Variants in CD59 observed in about 807,000 individuals in gnomAD.
CD59 encodes the protein CD59 glycoprotein.
Under a neutral mutation model 7.0 loss-of-function variants are expected in CD59, and 3 were observed. The ratio of observed to expected loss-of-function variants is 0.43; its 90% CI spans 0.19 to 1.10. CD59 has a LOEUF of 1.10. CD59 is among the 50% of genes least tolerant of loss of function. The probability of loss-of-function intolerance (pLI) is 0.29; values close to 1 mark genes in which losing one functional copy is unlikely to be tolerated. For synonymous variants in CD59, 60 were observed against 62.0 expected (o/e 0.97, Z 0.15); for missense variants, 143 against 151.0 (o/e 0.95, Z 0.28).
rs1255698465 is a variant in CD59, at chr11:33,703,074, T to A, written c.*7052A>T. On this transcript the variant is annotated 3_prime_UTR_variant, in exon 4 of 4. Coordinates refer to ENST00000642928, the MANE Select transcript of CD59 (RefSeq NM_000611.6). ...AAGCAATACAATCATTTTTTATGTA[T>A]ATATCTAGTTGAGGAGAAAAAATTA... 1 of 152,250 alleles carries A rather than the reference T, an allele frequency of 6.6e-6. No homozygotes were observed. Among genetic ancestry groups the A allele is most frequent in the African/African-American group, 2.4e-5 (1 of 41,448 alleles). 9.4% of individuals were successfully genotyped at this position (152,250 alleles called of 1,614,324 possible). A position where few individuals can be genotyped will look rare whatever the true frequency, so the allele number is the denominator to read the frequency against.
In CD59 at chr11:33,710,356, A is replaced by G. The variant is rs766000142; in HGVS notation, c.170-13T>C. 1.1e-5 allele frequency: 18 copies of G among 1,599,054 alleles called. No homozygotes were observed. Among genetic ancestry groups the G allele is most frequent in the Middle Eastern group, 1.7e-4 (1 of 6,036 alleles). Reference sequence around the variant, plus strand: ...TACACTTGTAACCCTGTGGGGAGACACACACAAGGGTAAGAAAGTAAGTGG... The same window carrying G: ...TACACTTGTAACCCTGTGGGGAGACGCACACAAGGGTAAGAAAGTAAGTGG... On this transcript the variant is annotated splice_polypyrimidine_tract_variant and intron_variant, in intron 3 of 3. Coordinates refer to ENST00000642928, the MANE Select transcript of CD59 (RefSeq NM_000611.6).
rs1421405417 is a variant in CD59 at position 33,704,318 on chromosome 11, G to A, written c.*5808C>T. ...CATAGGATTGATTTGATGGACATATGTATAAGCAGTGCCAGGGACAACTAG... is the reference window on the plus strand; with the variant it reads ...CATAGGATTGATTTGATGGACATATATATAAGCAGTGCCAGGGACAACTAG... On this transcript the variant is annotated 3_prime_UTR_variant, in exon 4 of 4. Transcript: ENST00000642928. The A allele has an allele frequency of 6.6e-6, 1 of 152,204 alleles. No individual in the cohort carries two copies. The highest frequency in any genetic ancestry group is 6.5e-5 in the Admixed American group (1 of 15,288). 9.4% of individuals were successfully genotyped at this position (152,204 alleles called of 1,614,324 possible).
rs1564966115 is a variant in CD59 at position 33,706,742 on chromosome 11, G to A, written c.*3384C>T. The A allele has an allele frequency of 6.6e-6, 1 of 152,160 alleles. No homozygotes were observed. The highest frequency in any genetic ancestry group is 2.4e-5 in the African/African-American group (1 of 41,442). The allele number at this position is 152,160 out of a possible 1,614,324, so 9.4% of individuals were successfully genotyped here. A position where few individuals can be genotyped will look rare whatever the true frequency, so the allele number is the denominator to read the frequency against. ...TTTTGATATGATTTTCTGTTTACAG[G>A]AAGGCCTAACTACGTCCTGTTCACC... On this transcript the variant is annotated 3_prime_UTR_variant, in exon 4 of 4. Transcript: ENST00000642928.
At chr11:33,727,383 A>C (rs1196828964) in intron 1 of CD59, among the ~76,000 whole-genome samples, 1 of 152,220 alleles carries the variant, frequency 6.6e-6, no homozygotes, top group Non-Finnish European at 1.5e-5. Flanking sequence ...CAAATCAATA[A>C]ACATAATCCA....
intron 3 of CD59, among the ~76,000 whole-genome samples, chr11:33,712,239 G>C (rs1003989752): frequency 1.3e-5 from 2 of 152,010 alleles, no homozygotes; most frequent in South Asian, 4.2e-4. Flanking sequence ...AATAGCCTTG[G>C]GCACACAGGA....
rs377286139 is a variant in CD59 at position 33,722,423 on chromosome 11, A to G, written c.23T>C (p.Val8Ala). The G allele has an allele frequency of 1.2e-6, 2 of 1,614,100 alleles. No homozygotes were observed. Among genetic ancestry groups the G allele is most frequent in the African/African-American group, 1.3e-5 (1 of 75,064 alleles). Residue 8 changes from valine (V) to alanine (A), a missense_variant, in exon 2 of 4, where the codon GTC (valine) becomes GCC (alanine). Val to Ala is a moderately conservative substitution (Grantham distance 64). Coordinates refer to ENST00000642928, the MANE Select transcript of CD59 (RefSeq NM_000611.6). ...CAGGACGAGCAGCAGCCCGAACAGGACAGACCCTCCTTGGATTCCCATTGT... is the reference window on the plus strand; with the variant it reads ...CAGGACGAGCAGCAGCCCGAACAGGGCAGACCCTCCTTGGATTCCCATTGT... MGIQGGS[V>A]LFGLLLVLAV... is the part of the protein sequence containing the mutation.
rs2133509624 is a variant in CD59 at position 33,705,958 on chromosome 11, C to T, written c.*4168G>A. 1 of 152,180 alleles carries T rather than the reference C, an allele frequency of 6.6e-6. No individual in the cohort carries two copies. The highest frequency in any genetic ancestry group is 2.1e-4 in the South Asian group (1 of 4,808). The allele number at this position is 152,180 out of a possible 1,614,324, so 9.4% of individuals were successfully genotyped here. On this transcript the variant is annotated 3_prime_UTR_variant, in exon 4 of 4. Transcript: ENST00000642928. ...CAGCACTGATCATATATAGGATCAG[C>T]CTACTGGGGTTGGCCACGTTGTATG...
rs2133501137 is a variant in CD59 at position 33,703,126 on chromosome 11, T to C, written c.*7000A>G. 1 of 152,350 alleles carries C rather than the reference T, an allele frequency of 6.6e-6. No individual in the cohort carries two copies. Among genetic ancestry groups the C allele is most frequent in the Non-Finnish European group, 1.5e-5 (1 of 68,034 alleles). The allele number at this position is 152,350 out of a possible 1,614,324, so 9.4% of individuals were successfully genotyped here. A position where few individuals can be genotyped will look rare whatever the true frequency, so the allele number is the denominator to read the frequency against. On this transcript the variant is annotated 3_prime_UTR_variant, in exon 4 of 4. Transcript: ENST00000642928. The stretch of plus-strand genomic sequence containing the variant: ...AGATTTTTTCCCCCTTACTCCAAGA[T>C]AATCTAAACAGATTTTACTCTGGAT...
intron 1 of CD59, among the ~76,000 whole-genome samples, chr11:33,735,913 C>CA (rs571280343): frequency 0.14 from 19,116 of 139,634 alleles, 2,368 homozygotes; most frequent in African/African-American, 0.34. Context: ...AACTCCATCT[C>CA]AAAAAAAAAA....
At chr11:33,727,919 A>G (rs1381160622) in intron 1 of CD59, among the ~76,000 whole-genome samples, 2 of 152,190 alleles carry the variant, frequency 1.3e-5, no homozygotes, top group African/African-American at 4.8e-5. Context: ...TCCCATTCAC[A>G]ATTGCTATAA....
intron 3 of CD59, among the ~76,000 whole-genome samples, chr11:33,712,570 G>T (rs1290090799): frequency 6.6e-6 from 1 of 152,206 alleles, no homozygotes; most frequent in African/African-American, 2.4e-5. Flanking sequence ...CATATGAAGT[G>T]CCCAGGAGAG....
intron 2 of CD59, among the ~76,000 whole-genome samples, chr11:33,719,835 CG>C (rs1236044392): frequency 2.0e-5 from 3 of 152,172 alleles, no homozygotes; most frequent in African/African-American, 7.2e-5. Context: ...CTGTCATGCC[CG>C]TGTGAGAGGG....
intron 3 of CD59, among the ~76,000 whole-genome samples, chr11:33,711,968 G>C (rs1026882766): frequency 1.3e-5 from 2 of 152,160 alleles, no homozygotes; most frequent in Non-Finnish European, 1.5e-5. Flanking sequence ...AAAAGTTAAA[G>C]ATAGAGTTAT....
intron 3 of CD59, chr11:33,711,565 T>C: frequency 1.7e-6 from 1 of 587,382 alleles, no homozygotes; most frequent in Non-Finnish European, 3.0e-6. Context: ...TAGTCTTAGC[T>C]ACTTGGGAGG....
chr11:33,715,677 T>G (rs918904059), intron 3 of CD59, among the ~76,000 whole-genome samples: 5 of 152,184 alleles, frequency 3.3e-5, no homozygotes, highest in African/African-American at 1.2e-4. Flanking sequence ...TGTCAGAGTT[T>G]TGGAGTTTGG....
chr11:33,723,562 T>C (rs115375735), intron 1 of CD59, among the ~76,000 whole-genome samples: 461 of 152,312 alleles, frequency 3.0e-3, no homozygotes, highest in African/African-American at 0.01. Flanking sequence ...TTTTATGATA[T>C]GTGAGGAACC....
chr11:33,715,523 C>G (rs183583592), intron 3 of CD59, among the ~76,000 whole-genome samples: 37 of 152,210 alleles, frequency 2.4e-4, no homozygotes, highest in African/African-American at 7.9e-4. Context: ...TCACTTGAAC[C>G]CTGGAGGCAG....
intron 1 of CD59, among the ~76,000 whole-genome samples, chr11:33,723,637 G>A (rs570384565): frequency 1.3e-5 from 2 of 152,350 alleles, no homozygotes; most frequent in East Asian, 3.9e-4. Context: ...CACCCGCTGG[G>A]CTCTGAAACC....
At chr11:33,714,466 G>A (rs1424636005) in intron 3 of CD59, among the ~76,000 whole-genome samples, 1 of 152,194 alleles carries the variant, frequency 6.6e-6, no homozygotes, top group African/African-American at 2.4e-5. Context: ...TGAATGAGTG[G>A]TGGGCGAATG....
Sources: allele counts gnomAD v4.1 joint callset (sites outside exome capture counted in the v4.1 genomes callset), GRCh38; gene constraint gnomAD v4.1.1; transcripts MANE v1.5; gene names NCBI Gene and HGNC (gene_info 2026-07-23, HGNC 2026-07-21).